NBPF11: variants seen among roughly 807,000 people sequenced by gnomAD.
NBPF11 encodes the protein NBPF member 11, also known as NBPF family member NBPF11.
A neutral mutation model predicts 93.9 loss-of-function variants in NBPF11; 72 were observed. The observed-to-expected ratio is 0.77, with a 90% CI of 0.63 to 0.93. NBPF11 has a LOEUF of 0.93. NBPF11 is among the 40% of genes least tolerant of loss of function. NBPF11 has a pLI of 0.00. For missense variants in NBPF11, 705 were observed against 802.2 expected (o/e 0.88, Z 1.46); for synonymous variants, 224 against 304.9 (o/e 0.73, Z 2.76).
chr1:148,149,508 A>G (rs1647718455), intron 1 of NBPF11: 1 of 1,593,244 alleles, frequency 6.3e-7, no homozygotes, highest in Non-Finnish European at 8.5e-7. Flanking sequence ...CTCTACAGCC[A>G]GTACCTGGAG....
chr1:148,120,400 G>A lies in NBPF11; in HGVS notation c.988+101C>T, dbSNP rs1222171889. ...CCATTTCTGTTTTCCTAGAAGTATG[G>A]GGAGGATGACATTATTTTTGATGGA... On this transcript the variant is annotated intron_variant, in intron 10 of 23. Coordinates refer to ENST00000682118, the MANE Select transcript of NBPF11 (RefSeq NM_001385469.3). 9 of 757,522 alleles carry A rather than the reference G, an allele frequency of 1.2e-5. No individual in the cohort carries two copies. In the African/African-American group the frequency reaches 1.5e-4, roughly 13 times the overall value. 46.9% of individuals were successfully genotyped at this position (757,522 alleles called of 1,614,324 possible). A position where few individuals can be genotyped will look rare whatever the true frequency, so the allele number is the denominator to read the frequency against.
At chr1:148,146,303 C>T (rs1459338749) in intron 1 of NBPF11, 1 of 1,356,630 alleles carries the variant, frequency 7.4e-7, no homozygotes, top group Non-Finnish European at 9.4e-7. Context: ...CTGCCCGCGA[C>T]TCGGAGCACC....
At position 148,120,646 on chromosome 1, in the gene NBPF11, G is replaced by A. The variant is rs1173253058; in HGVS notation, c.843C>T (p.Ser281=). The change falls in exon 10 of 24, where the codon AGC becomes AGT. Residue 281 remains serine (S), a synonymous_variant. Coordinates refer to ENST00000682118, the MANE Select transcript of NBPF11 (RefSeq NM_001385469.3). ...SMVVSAGPLS[S]EKAEMNILEI... ...CTAGAATGTTCATCTCTGCCTTCTCGCTGGACAAAGGGCCGGCTGATACCA... is the reference window on the plus strand; with the variant it reads ...CTAGAATGTTCATCTCTGCCTTCTCACTGGACAAAGGGCCGGCTGATACCA... 7.9e-5 allele frequency: 122 copies of A among 1,542,900 alleles called. 1 individual carries two copies. The highest frequency in any genetic ancestry group is 3.0e-4 in the South Asian group (27 of 89,642).
At position 148,124,453 on chromosome 1, in the gene NBPF11, G is replaced by A. The variant is rs1352689868; in HGVS notation, c.279-386C>T. ...AAGCCATGTACAGAAATGAGGCCAG[G>A]TGCAGATGGGGCGAATTGAAAAGAC... is the stretch of plus-strand genomic sequence containing the variant. On this transcript the variant is annotated intron_variant, in intron 6 of 23. Coordinates refer to ENST00000682118, the MANE Select transcript of NBPF11 (RefSeq NM_001385469.3). Among the ~76,000 whole-genome samples the A allele has an allele frequency of 1.4e-3, 215 of 149,154 alleles. 1 individual carries two copies. The highest frequency in any genetic ancestry group is 4.9e-3 in the African/African-American group (197 of 39,918).
At chr1:148,149,438 C>G (rs1208464364) in intron 1 of NBPF11, 145 of 1,583,948 alleles carry the variant, frequency 9.2e-5, no homozygotes, top group Non-Finnish European at 1.2e-4. Context: ...GCTCTACGAG[C>G]GCTGCCCCAA....
At chr1:148,147,995 G>T (rs1255514968) in intron 1 of NBPF11, among the ~76,000 whole-genome samples, 1 of 152,092 alleles carries the variant, frequency 6.6e-6, no homozygotes, top group African/African-American at 2.4e-5. Flanking sequence ...GCCTCCACTG[G>T]GGATGTGTCC....
intron 4 of NBPF11, among the ~76,000 whole-genome samples, chr1:148,133,607 C>T (rs57210340): frequency 0.024 from 3,679 of 152,108 alleles, 185 homozygotes; most frequent in African/African-American, 0.084. Flanking sequence ...CGAGTTTTCT[C>T]TTTTGCCCTG....
chr1:148,112,118 T>C (rs1281288676), intron 15 of NBPF11, among the ~76,000 whole-genome samples: 6 of 138,312 alleles, frequency 4.3e-5, no homozygotes, highest in African/African-American at 1.8e-4. Flanking sequence ...TTTTTCCATA[T>C]GTATAGTTTT....
intron 2 of NBPF11, among the ~76,000 whole-genome samples, chr1:148,141,209 T>A (rs1227380227): frequency 6.6e-6 from 1 of 151,998 alleles, no homozygotes; most frequent in Non-Finnish European, 1.5e-5. Flanking sequence ...TTTTGCATGA[T>A]GCTGTATTGA....
intron 2 of NBPF11, among the ~76,000 whole-genome samples, chr1:148,140,892 TG>T (rs1304534492): frequency 2.0e-4 from 31 of 151,752 alleles, no homozygotes; most frequent in Middle Eastern, 3.2e-3. Flanking sequence ...TGTCAAAACT[TG>T]GAAGTACCCA....
intron 9 of NBPF11, among the ~76,000 whole-genome samples, chr1:148,121,789 G>C (rs1667932095): frequency 6.6e-6 from 1 of 151,980 alleles, no homozygotes; most frequent in African/African-American, 2.4e-5. Flanking sequence ...CTATAGGCGG[G>C]CAGCACCATG....
At chr1:148,140,912 T>C (rs1672061978) in intron 2 of NBPF11, among the ~76,000 whole-genome samples, 1 of 151,936 alleles carries the variant, frequency 6.6e-6, no homozygotes, top group Non-Finnish European at 1.5e-5. Flanking sequence ...CAAGACGTCT[T>C]TCACCAAGTG....
chr1:148,123,765 T>C, intron 7 of NBPF11, 88 bp downstream of exon 7: 1 of 1,607,226 alleles, frequency 6.2e-7, no homozygotes, highest in Non-Finnish European at 8.5e-7. Flanking sequence ...AAAACCCCAC[T>C]GATACAACTG....
chr1:148,150,023 G>A (rs1647883986), intron 1 of NBPF11, among the ~76,000 whole-genome samples: 1 of 151,764 alleles, frequency 6.6e-6, no homozygotes, highest in Non-Finnish European at 1.5e-5. Context: ...TCAGCCATAT[G>A]TAATACTAAA....
chr1:148,111,716 A>C (rs1435426700), intron 15 of NBPF11, among the ~76,000 whole-genome samples: 2 of 151,752 alleles, frequency 1.3e-5, no homozygotes, highest in Non-Finnish European at 2.9e-5. Context: ...AAAGAGTAAA[A>C]AGAAATGAAC....
Position 148,149,236 on chromosome 1 carries a change from G to A in NBPF11, c.-549+2514C>T. ...CGGTGCCCACCATGGACCTGGCCTC[G>A]CGCTACGAGTGTGCCGCGGTGGTGC... On this transcript the variant is annotated intron_variant, in intron 1 of 23. Transcript: ENST00000682118. 17 of 1,577,962 alleles carry A rather than the reference G, an allele frequency of 1.1e-5. No homozygotes were observed. The South Asian group carries it at 1.3e-4, about 12-fold the overall frequency.
At chr1:148,105,579 C>A (rs1663356839) in intron 21 of NBPF11, 51 bp from the exon 22 acceptor site, 1 of 719,006 alleles carries the variant, frequency 1.4e-6, no homozygotes, top group Non-Finnish European at 2.5e-6. Context: ...TCACACACAA[C>A]AGAGCCCCAA....
chr1:148,107,121 A>C lies in NBPF11; in HGVS notation c.2079-7T>G, dbSNP rs1384404128. ...CAGCAGCTCCCTGCTGAGCCTGGAA[A>C]AGTAGGAAAAAGTAAAGAATAAGCC... is the stretch of plus-strand genomic sequence containing the variant. On this transcript the variant is annotated splice_region_variant and splice_polypyrimidine_tract_variant and intron_variant, in intron 19 of 23. Transcript: ENST00000682118. 12 of 582,490 alleles carry C rather than the reference A, an allele frequency of 2.1e-5. No homozygotes were observed. The highest frequency in any genetic ancestry group is 6.3e-5 in the Admixed American group (2 of 31,880). 36.1% of individuals were successfully genotyped at this position (582,490 alleles called of 1,614,324 possible).
intron 1 of NBPF11, chr1:148,149,127 G>A (rs1216977238): frequency 1.3e-5 from 21 of 1,576,634 alleles, no homozygotes; most frequent in Non-Finnish European, 1.6e-5. Flanking sequence ...GCGCGCGTTG[G>A]AGGCCGCGGC....
Sources: allele counts gnomAD v4.1 joint callset (sites outside exome capture counted in the v4.1 genomes callset), GRCh38; gene constraint gnomAD v4.1.1; transcripts MANE v1.5; gene names NCBI Gene and HGNC (gene_info 2026-07-23, HGNC 2026-07-21).